Variants in MACROD2 observed in about 807,000 individuals in gnomAD.
MACROD2 encodes ADP-ribose glycohydrolase MACROD2.
MACROD2 carries 36 observed loss-of-function variants against 70.4 expected under a neutral mutation model. That is an observed-to-expected ratio of 0.51 (90% confidence interval 0.39 to 0.68). The LOEUF (loss-of-function observed/expected upper bound fraction) is 0.68, where lower values mean the gene tolerates loss of function less well. Among genes scored for constraint, MACROD2 ranks in the 30% least tolerant of loss-of-function variants. The probability of loss-of-function intolerance (pLI) is 0.00; values close to 1 mark genes in which losing one functional copy is unlikely to be tolerated. For synonymous variants in MACROD2, 172 were observed against 178.8 expected (o/e 0.96, Z 0.30); for missense variants, 496 against 538.4 (o/e 0.92, Z 0.78).
intron 6 of MACROD2, among the ~76,000 whole-genome samples, chr20:15,268,907 T>A (rs1478938034): frequency 6.6e-6 from 1 of 152,178 alleles, no homozygotes; most frequent in Non-Finnish European, 1.5e-5. Flanking sequence ...CTTTGGGGAA[T>A]ATGAAGCAGC....
chr20:15,929,700 A>G (rs969217706), intron 10 of MACROD2, among the ~76,000 whole-genome samples: 1 of 152,180 alleles, frequency 6.6e-6, no homozygotes, highest in African/African-American at 2.4e-5. Flanking sequence ...AACTACAAAT[A>G]TCAGGATAGC....
At chr20:15,870,227 T>G (rs2147179134) in intron 9 of MACROD2, among the ~76,000 whole-genome samples, 1 of 103,818 alleles carries the variant, frequency 9.6e-6, no homozygotes, top group Middle Eastern at 4.4e-3. Flanking sequence ...CAGCTTTAGT[T>G]GGGTTTTATA....
At chr20:14,959,938 C>T (rs1207408263) in intron 5 of MACROD2, among the ~76,000 whole-genome samples, 2 of 152,144 alleles carry the variant, frequency 1.3e-5, no homozygotes, top group Non-Finnish European at 2.9e-5. Flanking sequence ...CACTTGTCAG[C>T]AGCCCCACCT....
At chr20:14,045,278 G>A (rs933484113) in intron 2 of MACROD2, among the ~76,000 whole-genome samples, 2 of 152,266 alleles carry the variant, frequency 1.3e-5, no homozygotes, top group African/African-American at 4.8e-5. Flanking sequence ...GCCAGAGTGG[G>A]CACCAACGTC....
chr20:15,552,322 G>A (rs1167073060), intron 8 of MACROD2: 1 of 152,056 alleles, frequency 6.6e-6, no homozygotes, highest in East Asian at 1.9e-4. Context: ...TCCTGTCCAT[G>A]GCCCTTTTAG....
intron 2 of MACROD2, among the ~76,000 whole-genome samples, chr20:14,046,914 T>C (rs918656355): frequency 3.3e-5 from 5 of 152,008 alleles, no homozygotes; most frequent in Admixed American, 6.6e-5. Flanking sequence ...CATCTTAAGC[T>C]CTAACAAATG....
At chr20:14,759,296 A>T (rs2071984181) in intron 5 of MACROD2, among the ~76,000 whole-genome samples, 2 of 152,114 alleles carry the variant, frequency 1.3e-5, no homozygotes, top group Non-Finnish European at 2.9e-5. Flanking sequence ...ACTACATAGG[A>T]AGCTGCTGAA....
At chr20:14,042,921 T>G (rs2053414185) in intron 2 of MACROD2, among the ~76,000 whole-genome samples, 1 of 151,140 alleles carries the variant, frequency 6.6e-6, no homozygotes, top group Non-Finnish European at 1.5e-5. Context: ...GTGGTGGGTT[T>G]TTTTTTTTTT....
intron 13 of MACROD2, among the ~76,000 whole-genome samples, chr20:15,976,785 G>A (rs2066312909): frequency 1.3e-5 from 2 of 152,216 alleles, no homozygotes; most frequent in Non-Finnish European, 2.9e-5. Flanking sequence ...GTCAAAATAT[G>A]TAAAGCACAC....
intron 3 of MACROD2, among the ~76,000 whole-genome samples, chr20:14,358,610 C>T (rs2083194123): frequency 6.6e-6 from 1 of 152,086 alleles, no homozygotes; most frequent in South Asian, 2.1e-4. Context: ...GTGCCCACCA[C>T]CACGTCTGGC....
intron 6 of MACROD2, among the ~76,000 whole-genome samples, chr20:15,302,639 C>T (rs1422657929): frequency 6.6e-6 from 1 of 152,126 alleles, no homozygotes; most frequent in Non-Finnish European, 1.5e-5. Flanking sequence ...TGGGATAAAT[C>T]CCCAGTTGGG....
intron 8 of MACROD2, among the ~76,000 whole-genome samples, chr20:15,809,196 A>G (rs1301968434): frequency 6.6e-6 from 1 of 152,084 alleles, no homozygotes; most frequent in Non-Finnish European, 1.5e-5. Context: ...TTATAATAAA[A>G]TCTTACCATA....
intron 7 of MACROD2, among the ~76,000 whole-genome samples, chr20:15,446,623 C>G (rs945723824): frequency 2.6e-5 from 4 of 152,166 alleles, no homozygotes; most frequent in African/African-American, 9.7e-5. Flanking sequence ...GAACGCCAGC[C>G]CTTGCATATA....
chr20:15,141,176 A>G (rs1337535002), intron 5 of MACROD2, among the ~76,000 whole-genome samples: 1 of 151,626 alleles, frequency 6.6e-6, no homozygotes, highest in Non-Finnish European at 1.5e-5. Flanking sequence ...TAGAATTTAC[A>G]TGCATACAGG....
intron 8 of MACROD2, among the ~76,000 whole-genome samples, chr20:15,694,507 A>G (rs142099369): frequency 0.011 from 1,745 of 151,940 alleles, 36 homozygotes; most frequent in African/African-American, 0.039. Context: ...GGCCATTTGT[A>G]TATCTTCTTT....
chr20:15,829,898 A>G (rs144026869), intron 8 of MACROD2, among the ~76,000 whole-genome samples: 203 of 152,312 alleles, frequency 1.3e-3, no homozygotes, highest in African/African-American at 4.6e-3. Flanking sequence ...GCAGGAGTTG[A>G]ATCTGGAAGG....
intron 12 of MACROD2, among the ~76,000 whole-genome samples, chr20:15,953,166 C>A (rs972187358): frequency 6.6e-6 from 1 of 151,918 alleles, no homozygotes; most frequent in Admixed American, 6.6e-5. Flanking sequence ...AAAGGTTGGT[C>A]TCATAGAAGT....
At chr20:15,052,983 C>T (rs1568550789) in intron 5 of MACROD2, among the ~76,000 whole-genome samples, 1 of 152,198 alleles carries the variant, frequency 6.6e-6, no homozygotes, top group African/African-American at 2.4e-5. Context: ...GAAGATCAAA[C>T]CAGGCACATT....
intron 5 of MACROD2, among the ~76,000 whole-genome samples, chr20:14,817,503 G>A (rs1254258982): frequency 6.6e-6 from 1 of 152,124 alleles, no homozygotes; most frequent in South Asian, 2.1e-4. Context: ...ATTTAGAACT[G>A]TATATTTTGC....
Sources: gnomAD v4.1 joint callset for allele counts (sites outside exome capture counted in the v4.1 genomes callset) on GRCh38, gnomAD v4.1.1 for gene constraint, MANE v1.5 for transcripts, NCBI Gene and HGNC (gene_info 2026-07-23, HGNC 2026-07-21) for gene names.